Variants in LAMA2 observed in about 807,000 individuals in gnomAD.
LAMA2 encodes the protein laminin subunit alpha 2.
A neutral mutation model predicts 364.8 loss-of-function variants in LAMA2; 269 were observed. The observed-to-expected ratio is 0.74, with a 90% CI of 0.67 to 0.82. The LOEUF (loss-of-function observed/expected upper bound fraction) is 0.82, where lower values mean the gene tolerates loss of function less well. Among genes scored for constraint, LAMA2 ranks in the 40% least tolerant of loss-of-function variants. The probability of loss-of-function intolerance (pLI) is 0.00; values close to 1 mark genes in which losing one functional copy is unlikely to be tolerated. For synonymous variants in LAMA2, 1,379 were observed against 1,370.6 expected, an observed-to-expected ratio of 1.01 and a Z score of -0.14; for missense variants, 3,807 against 3,873.2, an observed-to-expected ratio of 0.98 and a Z score of 0.45.
At chr6:129,512,604 T>C in intron 63 of LAMA2, 111 bp downstream of exon 63, 1 of 1,222,260 alleles carries the variant, frequency 8.2e-7, no homozygotes, top group Non-Finnish European at 1.2e-6. Flanking sequence ...GTATTCTTTG[T>C]TGGGAGAAAG....
At chr6:129,498,192 AT>A (rs1422650210) in intron 58 of LAMA2, among the ~76,000 whole-genome samples, 1 of 152,240 alleles carries the variant, frequency 6.6e-6, no homozygotes, top group Non-Finnish European at 1.5e-5. Flanking sequence ...ACAGTTTAAA[AT>A]GTGAAAACTA....
At chr6:129,145,291 A>G (rs1251742551) in intron 5 of LAMA2, among the ~76,000 whole-genome samples, 22 of 152,006 alleles carry the variant, frequency 1.4e-4, no homozygotes, top group Admixed American at 1.4e-3. Context: ...TCATCACAAG[A>G]TAACTTTTAA....
chr6:129,209,043 A>C (rs1392136087), intron 12 of LAMA2, among the ~76,000 whole-genome samples: 1 of 152,182 alleles, frequency 6.6e-6, no homozygotes, highest in East Asian at 1.9e-4. Flanking sequence ...AATAACCCAC[A>C]GACAAAAAGC....
chr6:129,046,673 C>T (rs1012524013), intron 1 of LAMA2, among the ~76,000 whole-genome samples: 1 of 152,110 alleles, frequency 6.6e-6, no homozygotes, highest in African/African-American at 2.4e-5. Flanking sequence ...GTATCTATAG[C>T]CACATCTATA....
intron 1 of LAMA2, among the ~76,000 whole-genome samples, chr6:128,988,777 C>G (rs551408915): frequency 1.1e-4 from 16 of 152,222 alleles, no homozygotes; most frequent in African/African-American, 3.9e-4. Context: ...AAAACTGAAG[C>G]ATTTAATTTA....
chr6:129,255,035 T>A (rs961480356), intron 14 of LAMA2, among the ~76,000 whole-genome samples: 5 of 146,010 alleles, frequency 3.4e-5, no homozygotes, highest in Non-Finnish European at 5.9e-5. Flanking sequence ...AGAAATGATG[T>A]ATTTTTTTTT....
chr6:129,152,983 TAC>T (rs570778444), intron 7 of LAMA2, among the ~76,000 whole-genome samples: 10 of 149,824 alleles, frequency 6.7e-5, no homozygotes, highest in Admixed American at 1.3e-4. Flanking sequence ...CAAGCACACC[TAC>T]ACACACACAC....
chr6:129,050,060 C>T lies in LAMA2; in HGVS notation c.255C>T (p.Ile85=), dbSNP rs142083777. The change falls in exon 2 of 65, where the codon ATC becomes ATT. Residue 85 remains isoleucine, a synonymous_variant. Transcript: ENST00000421865. ...GQPVRNPQCR[I]CNQNSSNPNQ... ...CTGTGAGGAACCCGCAGTGTCGAAT[C>T]TGCAATCAAAACAGCAGCAATCCAA... 1,633 of 1,614,172 alleles carry T rather than the reference C, an allele frequency of 1.0e-3. 6 individuals are homozygous for T. The highest frequency in any genetic ancestry group is 1.2e-3 in the Non-Finnish European group (1,465 of 1,180,026).
At chr6:129,438,035 A>G (rs1047535200) in intron 41 of LAMA2, among the ~76,000 whole-genome samples, 3 of 151,498 alleles carry the variant, frequency 2.0e-5, no homozygotes, top group Admixed American at 6.6e-5. Flanking sequence ...TAACATTGCT[A>G]AAGTATCAAG....
At chr6:129,268,411 C>G (rs971778366) in intron 16 of LAMA2, among the ~76,000 whole-genome samples, 2 of 152,054 alleles carry the variant, frequency 1.3e-5, no homozygotes, top group Admixed American at 6.6e-5. Flanking sequence ...CAGCCCAAAA[C>G]TGACATGGAA....
At chr6:129,295,057 C>T (rs2114443223) in intron 20 of LAMA2, among the ~76,000 whole-genome samples, 1 of 152,226 alleles carries the variant, frequency 6.6e-6, no homozygotes, top group East Asian at 1.9e-4. Flanking sequence ...TTTTCCTCTG[C>T]AGCAGTATGT....
intron 7 of LAMA2, among the ~76,000 whole-genome samples, 200 bp from the exon 8 acceptor site, chr6:129,154,305 G>A (rs575317626): frequency 6.6e-6 from 1 of 152,112 alleles, no homozygotes; most frequent in Non-Finnish European, 1.5e-5. Flanking sequence ...CCAGCTACTC[G>A]GGAGGCTGAG....
chr6:129,274,893 A>G (rs148451985), intron 17 of LAMA2, among the ~76,000 whole-genome samples: 60 of 152,126 alleles, frequency 3.9e-4, no homozygotes, highest in African/African-American at 1.3e-3. Flanking sequence ...GCCTTTGAAT[A>G]CTTAGGATGT....
intron 45 of LAMA2, among the ~76,000 whole-genome samples, chr6:129,450,739 C>T (rs1782634448): frequency 6.6e-6 from 1 of 152,208 alleles, no homozygotes; most frequent in Admixed American, 6.5e-5. Context: ...CATACAGTCG[C>T]TTTGACTACT....
intron 4 of LAMA2, among the ~76,000 whole-genome samples, chr6:129,125,889 A>T (rs1777087680): frequency 6.6e-6 from 1 of 152,136 alleles, no homozygotes; most frequent in South Asian, 2.1e-4. Context: ...TTATAACATC[A>T]CTTTGTACCC....
At chr6:129,444,384 A>G (rs1008399517) in intron 44 of LAMA2, among the ~76,000 whole-genome samples, 2 of 152,186 alleles carry the variant, frequency 1.3e-5, no homozygotes, top group African/African-American at 4.8e-5. Flanking sequence ...AACAATGGAG[A>G]ATTAAAGGAA....
intron 64 of LAMA2, 36 bp downstream of exon 64, chr6:129,514,631 TCTC>T (rs749184783): frequency 6.7e-7 from 1 of 1,491,974 alleles, no homozygotes; most frequent in South Asian, 1.1e-5. Flanking sequence ...ATTTCTTTGC[TCTC>T]TTATGTTACT....
intron 3 of LAMA2, among the ~76,000 whole-genome samples, chr6:129,062,353 T>C (rs1249928611): frequency 6.6e-6 from 1 of 152,180 alleles, no homozygotes; most frequent in Non-Finnish European, 1.5e-5. Context: ...GCAACATGAA[T>C]AGTCTGAATC....
chr6:129,463,913 A>G (rs1263622244), intron 49 of LAMA2, among the ~76,000 whole-genome samples: 1 of 151,986 alleles, frequency 6.6e-6, no homozygotes, highest in Non-Finnish European at 1.5e-5. Context: ...GCAAATATTC[A>G]GAGTAGGATC....
Sources: gnomAD v4.1 joint callset for allele counts (sites outside exome capture counted in the v4.1 genomes callset) on GRCh38, gnomAD v4.1.1 for gene constraint, MANE v1.5 for transcripts, NCBI Gene and HGNC (gene_info 2026-07-23, HGNC 2026-07-21) for gene names.